NTN1: variants seen among roughly 807,000 people sequenced by gnomAD.
NTN1 encodes netrin 1, also known as netrin-1.
A neutral mutation model predicts 54.2 loss-of-function variants in NTN1; 11 were observed. That is an observed-to-expected ratio of 0.20 (90% confidence interval 0.13 to 0.34). The LOEUF is 0.34. Ranked by LOEUF, NTN1 falls within the 10% of genes least tolerant of loss-of-function variation. NTN1 has a pLI of 1.00. For missense variants in NTN1, 740 were observed against 893.1 expected, an observed-to-expected ratio of 0.83 and a Z score of 2.18; for synonymous variants, 371 against 382.0, an observed-to-expected ratio of 0.97 and a Z score of 0.33.
chr17:9,145,105 A>C (rs895794578), intron 2 of NTN1, among the ~76,000 whole-genome samples: 1 of 152,204 alleles, frequency 6.6e-6, no homozygotes, highest in Non-Finnish European at 1.5e-5. Context: ...TCTGGAGGGA[A>C]ATTTACTGCA....
Position 9,243,928 on chromosome 17 carries a change from GATGGAACTTGTA to G in NTN1, c.*3964_*3975del, listed in dbSNP as rs1906323672. 6.6e-6 allele frequency: 1 copy of G among 151,648 alleles called. No individual in the cohort carries two copies. The highest frequency in any genetic ancestry group is 1.5e-5 in the Non-Finnish European group (1 of 67,994). The allele number at this position is 151,648 out of a possible 1,614,324, so 9.4% of individuals were successfully genotyped here. On this transcript the variant is annotated 3_prime_UTR_variant, in exon 7 of 7. Coordinates refer to ENST00000173229, the MANE Select transcript of NTN1 (RefSeq NM_004822.3). ...GTTGGTTAGAGTTGTAATGGACCCA[GATGGAACTTGTA>G]ATGTGGGCCCCACATGATAGAACTA...
At chr17:9,231,862 TCCAGAGGCTGGGCCC>T (rs1905826509) in intron 6 of NTN1, among the ~76,000 whole-genome samples, 1 of 152,170 alleles carries the variant, frequency 6.6e-6, no homozygotes. Context: ...CTTTCCCTCC[TCCAGAGGCTGGGCCC>T]CCATTGCTGC....
chr17:9,026,678 A>T (rs2091872286), intron 2 of NTN1, among the ~76,000 whole-genome samples: 2 of 151,254 alleles, frequency 1.3e-5, no homozygotes, highest in African/African-American at 2.4e-5. Flanking sequence ...TTTTCAAAAG[A>T]GCATCTGAAG....
chr17:9,202,667 A>G (rs1904834010), intron 5 of NTN1, among the ~76,000 whole-genome samples: 1 of 152,140 alleles, frequency 6.6e-6, no homozygotes, highest in South Asian at 2.1e-4. Context: ...ATGCCACAAA[A>G]CTGTAAAAAA....
intron 2 of NTN1, among the ~76,000 whole-genome samples, chr17:9,034,714 C>T (rs987460946): frequency 2.6e-4 from 40 of 151,834 alleles, no homozygotes; most frequent in Non-Finnish European, 5.4e-4. Context: ...TGAGCCACTG[C>T]GCCTGGCCTT....
chr17:9,138,658 G>A (rs547264857), intron 2 of NTN1, among the ~76,000 whole-genome samples: 3 of 152,344 alleles, frequency 2.0e-5, no homozygotes, highest in East Asian at 1.9e-4. Context: ...CGGGTACCGC[G>A]ATGAGGCAGG....
intron 2 of NTN1, among the ~76,000 whole-genome samples, chr17:9,039,174 C>A (rs905018617): frequency 2.0e-5 from 3 of 152,196 alleles, no homozygotes; most frequent in African/African-American, 7.2e-5. Context: ...TCAGTATTCA[C>A]TCATTATTCA....
intron 4 of NTN1, 117 bp downstream of exon 4, chr17:9,180,073 G>C (rs8081736): frequency 0.1 from 122,072 of 1,179,916 alleles, 7,178 homozygotes; most frequent in East Asian, 0.18. Flanking sequence ...GAGTCTCACT[G>C]TGTCGCCCAG....
At chr17:9,140,145 A>T (rs1470110071) in intron 2 of NTN1, among the ~76,000 whole-genome samples, 1 of 151,530 alleles carries the variant, frequency 6.6e-6, no homozygotes, top group Non-Finnish European at 1.5e-5. Flanking sequence ...TGAAGCCAGC[A>T]TACATACACT....
chr17:9,165,352 G>A lies in NTN1; in HGVS notation c.1207+2351G>A, dbSNP rs150380391. 5.9e-5 allele frequency among the ~76,000 whole-genome samples: 9 copies of A among 152,316 alleles called. No homozygotes were observed. Among genetic ancestry groups the A allele is most frequent in the South Asian group, 2.1e-4 (1 of 4,832 alleles). ...GGAAGCCACAGGGTCCCGGGAACCC[G>A]CAGGCCATTCTCCAGGGGTCTGCCA... is the stretch of plus-strand genomic sequence containing the variant. On this transcript the variant is annotated intron_variant, in intron 3 of 6. Transcript: ENST00000173229. This position sits in a 1 kb window ranked among gnomAD's most constrained non-coding sequence, Gnocchi z 4.5.
chr17:9,239,628 G>T lies in NTN1; in HGVS notation c.1487-12G>T. ...GCTGGGAGCCCACCCGTCTGCCTGT[G>T]CTTCCTTGCAGCCGTCCAGATCCAC... On this transcript the variant is annotated splice_polypyrimidine_tract_variant and intron_variant, in intron 6 of 6. Coordinates refer to ENST00000173229, the MANE Select transcript of NTN1 (RefSeq NM_004822.3). This position sits in a 1 kb window ranked among gnomAD's most constrained non-coding sequence, Gnocchi z 5.2. 1 of 1,600,054 alleles carries T rather than the reference G, an allele frequency of 6.2e-7. No individual in the cohort carries two copies.
chr17:9,066,165 T>A (rs1478083997), intron 2 of NTN1, among the ~76,000 whole-genome samples: 1 of 152,214 alleles, frequency 6.6e-6, no homozygotes, highest in Non-Finnish European at 1.5e-5. Flanking sequence ...TGTGCACCTG[T>A]AATCCCAGCT....
At chr17:9,142,752 T>C (rs1481180939) in intron 2 of NTN1, among the ~76,000 whole-genome samples, 5 of 152,168 alleles carry the variant, frequency 3.3e-5, no homozygotes, top group African/African-American at 1.2e-4. Flanking sequence ...TCTGTCCTTA[T>C]GGAGCTTACA....
chr17:9,121,249 A>G (rs559818381), intron 2 of NTN1, among the ~76,000 whole-genome samples: 7 of 152,156 alleles, frequency 4.6e-5, no homozygotes, highest in Non-Finnish European at 1.0e-4. Flanking sequence ...GGCCGTGTAC[A>G]TTCAGGTTCA....
intron 2 of NTN1, among the ~76,000 whole-genome samples, chr17:9,090,073 G>T (rs1053218477): frequency 2.6e-4 from 40 of 152,208 alleles, no homozygotes; most frequent in Admixed American, 7.2e-4. Flanking sequence ...GACGGGCTGT[G>T]GGTATGTGAG....
intron 6 of NTN1, among the ~76,000 whole-genome samples, chr17:9,235,066 G>T (rs1905940414): frequency 6.7e-6 from 1 of 148,918 alleles, no homozygotes; most frequent in Non-Finnish European, 1.5e-5. Context: ...GGGTTCAAGC[G>T]ATTCTCCTGC....
chr17:9,213,561 A>C (rs760589602), intron 5 of NTN1, among the ~76,000 whole-genome samples: 8 of 152,224 alleles, frequency 5.3e-5, no homozygotes, highest in Non-Finnish European at 1.2e-4. Flanking sequence ...GAGGCTGATC[A>C]ATTGGCCCAT....
chr17:9,079,527 G>A lies in NTN1; in HGVS notation c.1018+56136G>A, dbSNP rs117095622. Among the ~76,000 whole-genome samples the A allele has an allele frequency of 2.6e-5, 4 of 152,340 alleles. No homozygotes were observed. In the East Asian group the frequency reaches 7.7e-4, roughly 29 times the overall value. On this transcript the variant is annotated intron_variant, in intron 2 of 6. Transcript: ENST00000173229. The stretch of plus-strand genomic sequence containing the variant: ...CTAGCTGGTCCCCACCCCTGAGGAA[G>A]TGTTTCCCCAGCGGACCTATTTTCT...
intron 2 of NTN1, among the ~76,000 whole-genome samples, chr17:9,065,758 T>C (rs1185560757): frequency 6.6e-6 from 1 of 152,242 alleles, no homozygotes; most frequent in Admixed American, 6.5e-5. Flanking sequence ...TCTCAGATTG[T>C]GGACTATGCT....
Sources: gnomAD v4.1 joint callset for allele counts (sites outside exome capture counted in the v4.1 genomes callset) on GRCh38, gnomAD v4.1.1 for gene constraint, Gnocchi (gnomAD v3.1) non-coding constraint, MANE v1.5 for transcripts, NCBI Gene and HGNC (gene_info 2026-07-23, HGNC 2026-07-21) for gene names.